Variants in MEF2B observed in about 807,000 individuals in gnomAD.
MEF2B encodes myocyte-specific enhancer factor 2B.
MEF2B carries 15 observed loss-of-function variants against 32.2 expected under a neutral mutation model. The observed-to-expected ratio is 0.47, with a 90% CI of 0.31 to 0.72. The LOEUF is 0.72. MEF2B is among the 30% of genes least tolerant of loss of function. The pLI is 0.05. For synonymous variants in MEF2B, 205 were observed against 225.6 expected, an observed-to-expected ratio of 0.91 and a Z score of 0.82; for missense variants, 441 against 511.5, an observed-to-expected ratio of 0.86 and a Z score of 1.33.
chr19:19,159,455 C>A (rs2060143485), intron 1 of MEF2B, among the ~76,000 whole-genome samples: 1 of 151,880 alleles, frequency 6.6e-6, no homozygotes, highest in Non-Finnish European at 1.5e-5. Context: ...CTTATGGCTG[C>A]TGTGGGGAGC....
chr19:19,149,180 A>C lies in MEF2B; in HGVS notation c.258+46T>G. ...AAGAGTCCCTGGGCTCTGAGAAAGC[A>C]GCGTGCACGGGGCCTTGTGGGGCTG... is the stretch of plus-strand genomic sequence containing the variant. On this transcript the variant is annotated intron_variant, in intron 3 of 8. Coordinates refer to ENST00000424583, the MANE Select transcript of MEF2B (RefSeq NM_001145785.2). 3.1e-6 allele frequency: 5 copies of C among 1,602,582 alleles called. No individual in the cohort carries two copies. The Admixed American group carries it at 5.1e-5, about 16-fold the overall frequency.
rs1482402537 is a variant in MEF2B at position 19,150,779 on chromosome 19, G to C, written c.-29-15C>G. On this transcript the variant is annotated splice_polypyrimidine_tract_variant and intron_variant, in intron 1 of 8. Coordinates refer to ENST00000424583, the MANE Select transcript of MEF2B (RefSeq NM_001145785.2). ...ATGATCTTTGTCTAGGAGGAGAAGA[G>C]GGAGAGGACAGAGTGAGTGGGTGGA... 1.2e-6 allele frequency: 2 copies of C among 1,613,886 alleles called. No homozygotes were observed. The highest frequency in any genetic ancestry group is 1.7e-6 in the Non-Finnish European group (2 of 1,179,964).
chr19:19,168,625 G>C (rs1193562959), intron 1 of MEF2B, among the ~76,000 whole-genome samples: 1 of 147,728 alleles, frequency 6.8e-6, no homozygotes, highest in African/African-American at 2.5e-5. Context: ...ACAGGATCTT[G>C]CTCTGTCACC....
At chr19:19,160,501 CCTGCGGGACTTTA>C (rs1248287158) in intron 1 of MEF2B, among the ~76,000 whole-genome samples, 1 of 152,108 alleles carries the variant, frequency 6.6e-6, no homozygotes, top group Admixed American at 6.6e-5. Context: ...TCTTGGCACC[CCTGCGGGACTTTA>C]CTGGGGGGAT....
intron 1 of MEF2B, among the ~76,000 whole-genome samples, chr19:19,161,648 C>G (rs2060164103): frequency 6.6e-6 from 1 of 152,012 alleles, no homozygotes; most frequent in Admixed American, 6.6e-5. Context: ...CAAATACACA[C>G]AGACCCCTTT....
At position 19,146,871 on chromosome 19, in the gene MEF2B, C is replaced by T. The variant is rs3729770; in HGVS notation, c.546G>A (p.Leu182=). Reference sequence around the variant, plus strand: ...GGCTTGGTGAGAAGAGAGGGTGCACCAGGCCTGGGGAAGAGGAGACCCCAG... The same window carrying T: ...GGCTTGGTGAGAAGAGAGGGTGCACTAGGCCTGGGGAAGAGGAGACCCCAG... The part of the protein sequence containing the change: ...PAAPKAGPPG[L]VHPLFSPSHL... Residue 182 remains leucine, a synonymous_variant, in exon 6 of 9, where the codon CTG becomes CTA. Transcript: ENST00000424583. The T allele has an allele frequency of 9.8e-3, 15,742 of 1,611,722 alleles. 255 individuals are homozygous for T. The highest frequency in any genetic ancestry group is 0.067 in the African/African-American group (5,021 of 74,982).
chr19:19,166,789 C>T (rs987831580), intron 1 of MEF2B, among the ~76,000 whole-genome samples: 1 of 147,396 alleles, frequency 6.8e-6, no homozygotes, highest in Admixed American at 6.8e-5. Flanking sequence ...AAGGGCAGGG[C>T]GTGGTGGCTC....
chr19:19,155,245 T>C (rs2060112406), intron 1 of MEF2B, among the ~76,000 whole-genome samples: 1 of 152,184 alleles, frequency 6.6e-6, no homozygotes, highest in Admixed American at 6.6e-5. Flanking sequence ...CTTCTCTCTC[T>C]TCGATAAATA....
chr19:19,152,281 C>T (rs1328682224), intron 1 of MEF2B, among the ~76,000 whole-genome samples: 1 of 150,634 alleles, frequency 6.6e-6, no homozygotes, highest in African/African-American at 2.4e-5. Context: ...CAAAAATTAA[C>T]CAGCTGTCGT....
At chr19:19,150,256 G>A (rs35392445) in intron 2 of MEF2B, among the ~76,000 whole-genome samples, 132,622 of 150,072 alleles carry the variant, frequency 0.88, 58,788 homozygotes, top group East Asian at 1. Flanking sequence ...CAGACCAGGC[G>A]CGGTGGCTCA....
intron 1 of MEF2B, among the ~76,000 whole-genome samples, chr19:19,160,693 T>C (rs2060154314): frequency 6.6e-6 from 1 of 152,006 alleles, no homozygotes; most frequent in African/African-American, 2.4e-5. Context: ...TCCCGGCCCC[T>C]GCAGCGAATC....
chr19:19,156,325 G>A (rs1489864260), intron 1 of MEF2B, among the ~76,000 whole-genome samples: 2 of 151,894 alleles, frequency 1.3e-5, no homozygotes, highest in Non-Finnish European at 2.9e-5. Flanking sequence ...TTGGGAGGCC[G>A]AGGTGGGAGG....
intron 8 of MEF2B, 70 bp downstream of exon 8, chr19:19,146,203 T>C (rs1173257487): frequency 2.3e-6 from 2 of 854,042 alleles, no homozygotes; most frequent in Non-Finnish European, 1.7e-6. Flanking sequence ...GTACCAGGGA[T>C]GGCCACCAGG....
In MEF2B at chr19:19,159,098, A is replaced by G. The variant is rs139925187; in HGVS notation, c.-29-8334T>C. On this transcript the variant is annotated intron_variant, in intron 1 of 8. Coordinates refer to ENST00000424583, the MANE Select transcript of MEF2B (RefSeq NM_001145785.2). ...TGGGATTACAGGCACACACCACTAC[A>G]CCCAGCTAATTTCTGTATTTTCAGT... is the stretch of plus-strand genomic sequence containing the variant. Among the ~76,000 whole-genome samples the G allele has an allele frequency of 6.0e-3, 905 of 151,268 alleles. 12 individuals are homozygous for G. The highest frequency in any genetic ancestry group is 0.021 in the African/African-American group (856 of 41,292).
At chr19:19,164,075 T>C (rs973243600) in intron 1 of MEF2B, among the ~76,000 whole-genome samples, 1 of 152,180 alleles carries the variant, frequency 6.6e-6, no homozygotes, top group Non-Finnish European at 1.5e-5. Context: ...GAAGCGATTC[T>C]CCTGCCTCAG....
intron 1 of MEF2B, among the ~76,000 whole-genome samples, chr19:19,163,307 C>T (rs1466062535): frequency 3.1e-4 from 47 of 152,080 alleles, no homozygotes; most frequent in Non-Finnish European, 4.4e-5. Flanking sequence ...CACGGCGCCA[C>T]ACCTAGCTAA....
chr19:19,167,635 T>C (rs1000523636), intron 1 of MEF2B, among the ~76,000 whole-genome samples: 1 of 152,226 alleles, frequency 6.6e-6, no homozygotes, highest in East Asian at 1.9e-4. Context: ...TAAATTCCCC[T>C]TCTCTTCTTA....
At chr19:19,162,716 G>A (rs1160637154) in intron 1 of MEF2B, among the ~76,000 whole-genome samples, 1 of 152,146 alleles carries the variant, frequency 6.6e-6, no homozygotes, top group East Asian at 1.9e-4. Context: ...CGGTGAGTGG[G>A]ACCCTCTGTG....
At chr19:19,160,737 G>C (rs1337102480) in intron 1 of MEF2B, among the ~76,000 whole-genome samples, 2 of 152,116 alleles carry the variant, frequency 1.3e-5, no homozygotes, top group African/African-American at 4.8e-5. Flanking sequence ...AACCCAGGCT[G>C]TGGTTTCATC....
Sources: gnomAD v4.1 joint callset for allele counts (sites outside exome capture counted in the v4.1 genomes callset) on GRCh38, gnomAD v4.1.1 for gene constraint, MANE v1.5 for transcripts, NCBI Gene and HGNC (gene_info 2026-07-23, HGNC 2026-07-21) for gene names.